Variants in SAP130 observed in about 807,000 individuals in gnomAD.
SAP130 encodes Sin3A associated protein 130, also known as histone deacetylase complex subunit SAP130.
SAP130 carries 16 observed loss-of-function variants against 103.2 expected under a neutral mutation model. The ratio of observed to expected loss-of-function variants is 0.16; its 90% CI spans 0.10 to 0.24. SAP130 has a LOEUF of 0.24. Among genes scored for constraint, SAP130 ranks in the 10% least tolerant of loss-of-function variants. The pLI is 1.00. For missense variants in SAP130, 990 were observed against 1,359.7 expected (o/e 0.73, Z 4.28); for synonymous variants, 477 against 497.0 (o/e 0.96, Z 0.53).
chr2:128,025,549 A>G (rs1685444083), intron 2 of SAP130, among the ~76,000 whole-genome samples: 1 of 152,244 alleles, frequency 6.6e-6, no homozygotes, highest in African/African-American at 2.4e-5. Context: ...TTGCATCTGT[A>G]CTAAGCACAT....
chr2:127,982,401 A>C (rs745396590), intron 14 of SAP130, among the ~76,000 whole-genome samples: 1 of 152,206 alleles, frequency 6.6e-6, no homozygotes, highest in Admixed American at 6.5e-5. Context: ...GCTTGTCTAG[A>C]GGAACAGACA....
At position 127,953,708 on chromosome 2, in the gene SAP130, G is replaced by A. The variant is rs1277656619; in HGVS notation, c.2422+1278C>T. Among the ~76,000 whole-genome samples, 4 of 152,034 alleles carry A rather than the reference G, an allele frequency of 2.6e-5. No homozygotes were observed. The highest frequency in any genetic ancestry group is 3.8e-4 in the East Asian group (2 of 5,200). On this transcript the variant is annotated intron_variant, in intron 16 of 20. Coordinates refer to ENST00000643581, the MANE Select transcript of SAP130 (RefSeq NM_001330301.2). The surrounding 1 kb of genome is among the most constrained non-coding windows in gnomAD (Gnocchi z 4.0). ...CTCTGGCCTGGAATACCCTTTCCCC[G>A]GATATCCTCATGGCCAGGAACTTCA...
chr2:127,986,373 C>T lies in SAP130; in HGVS notation c.1958+412G>A, dbSNP rs367648146. Reference sequence around the variant, plus strand: ...GAAGCGAGCCACTCCCACTGTTGCACGCCCTGCGAGGGGGACAAGGGAACT... The same window carrying T: ...GAAGCGAGCCACTCCCACTGTTGCATGCCCTGCGAGGGGGACAAGGGAACT... On this transcript the variant is annotated intron_variant, in intron 14 of 20. Transcript: ENST00000643581. The surrounding 1 kb of genome is among the most constrained non-coding windows in gnomAD (Gnocchi z 4.7). 4.3e-4 allele frequency among the ~76,000 whole-genome samples: 66 copies of T among 152,338 alleles called. No individual in the cohort carries two copies. The highest frequency in any genetic ancestry group is 7.4e-4 in the Non-Finnish European group (50 of 68,024).
intron 15 of SAP130, 38 bp downstream of exon 15, chr2:127,977,947 G>C: frequency 7.0e-7 from 1 of 1,418,866 alleles, no homozygotes; most frequent in Non-Finnish European, 9.7e-7. Flanking sequence ...ACGATGTGTG[G>C]GTAAAAGCAA....
chr2:128,003,941 T>C (rs1481762127), intron 7 of SAP130, among the ~76,000 whole-genome samples: 1 of 144,852 alleles, frequency 6.9e-6, no homozygotes, highest in Non-Finnish European at 1.5e-5. Flanking sequence ...AACTGTGTAG[T>C]TCTCCCACAG....
At chr2:128,016,208 T>C (rs533037807) in intron 4 of SAP130, among the ~76,000 whole-genome samples, 181 bp downstream of exon 4, 4 of 152,280 alleles carry the variant, frequency 2.6e-5, no homozygotes, top group Non-Finnish European at 5.9e-5. Flanking sequence ...CTATGGACAC[T>C]GGCTTCTACT....
At chr2:128,008,052 C>G (rs1273338028) in intron 7 of SAP130, among the ~76,000 whole-genome samples, 2 of 152,240 alleles carry the variant, frequency 1.3e-5, no homozygotes, top group Non-Finnish European at 2.9e-5. Flanking sequence ...CTTTCTTCCT[C>G]ACCACTCTGC....
chr2:127,986,729 T>C lies in SAP130; in HGVS notation c.1958+56A>G. 3 of 1,539,382 alleles carry C rather than the reference T, an allele frequency of 1.9e-6. No homozygotes were observed. The highest frequency in any genetic ancestry group is 2.7e-6 in the Non-Finnish European group (3 of 1,120,936). On this transcript the variant is annotated intron_variant, in intron 14 of 20. Coordinates refer to ENST00000643581, the MANE Select transcript of SAP130 (RefSeq NM_001330301.2). This position sits in a 1 kb window ranked among gnomAD's most constrained non-coding sequence, Gnocchi z 4.7. ...GCATTAGATAAGAGTGCCTATTATG[T>C]ATACCAGTTATATCCAGAACCAGAG... is the stretch of plus-strand genomic sequence containing the variant.
chr2:127,987,064 T>G, intron 13 of SAP130, 102 bp from the exon 14 acceptor site: 1 of 1,008,338 alleles, frequency 9.9e-7, no homozygotes, highest in Non-Finnish European at 1.5e-6. Context: ...TAGGTATCCA[T>G]GTTCTAACTG....
chr2:127,968,686 T>C (rs1360966578), intron 15 of SAP130, among the ~76,000 whole-genome samples: 1 of 151,986 alleles, frequency 6.6e-6, no homozygotes, highest in Non-Finnish European at 1.5e-5. Flanking sequence ...TGGCTAATTT[T>C]TGTATTTTTA....
At position 128,016,469 on chromosome 2, in the gene SAP130, G is replaced by A; in HGVS notation, c.427C>T (p.Pro143Ser). The change falls in exon 4 of 21, where the codon CCA (proline) becomes TCA (serine). Residue 143 changes from proline to serine, a missense_variant. Pro to Ser is a moderately conservative substitution (Grantham distance 74). Coordinates refer to ENST00000643581, the MANE Select transcript of SAP130 (RefSeq NM_001330301.2). ...TCCATGGTAACGGTAACCTGCCCTG[G>A]AACCTTGGGGGGAAGTGACAGGGTA... ...PSTLSLPPKVPGQVTVTMESS... is the reference protein window; with the variant it reads ...PSTLSLPPKVSGQVTVTMESS... 1 of 1,614,042 alleles carries A rather than the reference G, an allele frequency of 6.2e-7. No individual in the cohort carries two copies. Among genetic ancestry groups the A allele is most frequent in the Non-Finnish European group, 8.5e-7 (1 of 1,180,002 alleles).
At chr2:127,982,597 G>C (rs1444254800) in intron 14 of SAP130, among the ~76,000 whole-genome samples, 2 of 152,230 alleles carry the variant, frequency 1.3e-5, no homozygotes. Flanking sequence ...TGGTGCAAGA[G>C]AGTATACTTT....
chr2:128,003,471 C>A (rs958049256), intron 7 of SAP130, among the ~76,000 whole-genome samples: 13 of 147,870 alleles, frequency 8.8e-5, no homozygotes, highest in African/African-American at 2.7e-4. Context: ...TGCGCCACTG[C>A]AACCTTGACT....
At chr2:127,980,203 T>C (rs1363976123) in intron 14 of SAP130, among the ~76,000 whole-genome samples, 3 of 152,038 alleles carry the variant, frequency 2.0e-5, no homozygotes, top group Admixed American at 1.3e-4. Flanking sequence ...TGTTTAAACT[T>C]TTCCATAACA....
chr2:127,985,439 G>C (rs1339862701), intron 14 of SAP130, among the ~76,000 whole-genome samples: 1 of 152,168 alleles, frequency 6.6e-6, no homozygotes, highest in Non-Finnish European at 1.5e-5. Context: ...GCTCAGCTGA[G>C]CCACAGAAAC....
rs1042429606 is a variant in SAP130 at position 127,976,035 on chromosome 2, A to C, written c.2063+1950T>G. Reference sequence around the variant, plus strand: ...AATTTTTTGTGTGTTTTTAGTAGAGACAGGGTTTCACCATGTTAGCCAGGA... The same window carrying C: ...AATTTTTTGTGTGTTTTTAGTAGAGCCAGGGTTTCACCATGTTAGCCAGGA... On this transcript the variant is annotated intron_variant, in intron 15 of 20. Coordinates refer to ENST00000643581, the MANE Select transcript of SAP130 (RefSeq NM_001330301.2). Among the ~76,000 whole-genome samples, 5 of 152,238 alleles carry C rather than the reference A, an allele frequency of 3.3e-5. No individual in the cohort carries two copies. In the East Asian group the frequency reaches 9.7e-4, roughly 29 times the overall value.
intron 7 of SAP130, 66 bp downstream of exon 7, chr2:128,010,203 C>A: frequency 1.7e-5 from 26 of 1,495,956 alleles, no homozygotes; most frequent in East Asian, 4.7e-5. Flanking sequence ...AATGAAGGAA[C>A]GAAAGAAAAA....
At chr2:127,947,761 T>TCTGTGTGTGTGA (rs1679191896) in intron 18 of SAP130, among the ~76,000 whole-genome samples, 1 of 122,882 alleles carries the variant, frequency 8.1e-6, no homozygotes, top group South Asian at 2.5e-4. Flanking sequence ...GTATTGTGTG[T>TCTGTGTGTGTGA]GTCTGTGTGT....
chr2:127,989,915 A>C lies in SAP130; in HGVS notation c.1478-49T>G, dbSNP rs755292091. On this transcript the variant is annotated intron_variant, in intron 12 of 20. Coordinates refer to ENST00000643581, the MANE Select transcript of SAP130 (RefSeq NM_001330301.2). This position sits in a 1 kb window ranked among gnomAD's most constrained non-coding sequence, Gnocchi z 4.6. ...TATAAGAAGGTTAGCTTCATTTCAC[A>C]CAGTCCACATAAAGAGAGAAACACT... 6.5e-7 allele frequency: 1 copy of C among 1,546,066 alleles called. No homozygotes were observed. Among genetic ancestry groups the C allele is most frequent in the Non-Finnish European group, 8.8e-7 (1 of 1,131,088 alleles).
Sources: allele counts gnomAD v4.1 joint callset (sites outside exome capture counted in the v4.1 genomes callset), GRCh38; gene constraint gnomAD v4.1.1; non-coding constraint Gnocchi (gnomAD v3.1); transcripts MANE v1.5; gene names NCBI Gene and HGNC (gene_info 2026-07-23, HGNC 2026-07-21).